SLC49A4: variants seen among roughly 807,000 people sequenced by gnomAD.
SLC49A4 encodes the protein disrupted in renal cancer protein 2.
In SLC49A4, 36 loss-of-function variants were observed where a neutral mutation model predicts 50.6. The observed-to-expected ratio is 0.71, with a 90% CI of 0.55 to 0.94. SLC49A4 has a LOEUF of 0.94. SLC49A4 is among the 40% of genes least tolerant of loss of function. SLC49A4 has a pLI of 0.00. For synonymous variants in SLC49A4, 248 were observed against 241.2 expected (o/e 1.03, Z -0.26); for missense variants, 503 against 605.7 (o/e 0.83, Z 1.78).
At chr3:122,819,087 A>C (rs1019651234) in intron 2 of SLC49A4, among the ~76,000 whole-genome samples, 1 of 151,944 alleles carries the variant, frequency 6.6e-6, no homozygotes, top group Non-Finnish European at 1.5e-5. Context: ...TGTCTCTACA[A>C]AAAATTTAAA....
chr3:122,833,310 C>G lies in SLC49A4; in HGVS notation c.704-7C>G. The G allele has an allele frequency of 1.9e-6, 3 of 1,606,152 alleles. No homozygotes were observed. Among genetic ancestry groups the G allele is most frequent in the Non-Finnish European group, 2.5e-6 (3 of 1,177,132 alleles). On this transcript the variant is annotated splice_region_variant and splice_polypyrimidine_tract_variant and intron_variant, in intron 3 of 8. Transcript: ENST00000261038. ...TGGTTAACATTTTACCTATTTTTTT[C>G]TTTCAGAATTTGGAGTTGTCTGCTT... is the stretch of plus-strand genomic sequence containing the variant.
At chr3:122,809,474 C>T (rs1936267705) in intron 2 of SLC49A4, among the ~76,000 whole-genome samples, 1 of 152,154 alleles carries the variant, frequency 6.6e-6, no homozygotes, top group African/African-American at 2.4e-5. Context: ...GTAATCCCAG[C>T]ACTTTGGGAG....
At chr3:122,824,082 G>A (rs1936490812) in intron 2 of SLC49A4, among the ~76,000 whole-genome samples, 1 of 152,208 alleles carries the variant, frequency 6.6e-6, no homozygotes, top group Admixed American at 6.5e-5. Context: ...CATGAATTCA[G>A]AGGATAACTA....
At chr3:122,817,278 T>C (rs1936382281) in intron 2 of SLC49A4, among the ~76,000 whole-genome samples, 1 of 152,132 alleles carries the variant, frequency 6.6e-6, no homozygotes, top group African/African-American at 2.4e-5. Context: ...AGTTGCTGCC[T>C]TTGAAAACAG....
intron 5 of SLC49A4, among the ~76,000 whole-genome samples, chr3:122,847,762 A>G (rs995459771): frequency 1.3e-5 from 2 of 152,180 alleles, no homozygotes; most frequent in Non-Finnish European, 2.9e-5. Context: ...AAAATTAAAA[A>G]AGCAATCATT....
intron 1 of SLC49A4, among the ~76,000 whole-genome samples, chr3:122,801,595 A>G (rs1206911078): frequency 6.6e-6 from 1 of 151,994 alleles, no homozygotes; most frequent in Admixed American, 6.5e-5. Flanking sequence ...CATCTCAAAA[A>G]CAAAAAAAGA....
chr3:122,830,048 T>C (rs1936587838), intron 3 of SLC49A4, among the ~76,000 whole-genome samples: 1 of 152,186 alleles, frequency 6.6e-6, no homozygotes, highest in Non-Finnish European at 1.5e-5. Context: ...ATATTGGCAA[T>C]GAACAATCTT....
chr3:122,870,110 G>A (rs1937178705), intron 7 of SLC49A4, among the ~76,000 whole-genome samples: 2 of 152,076 alleles, frequency 1.3e-5, no homozygotes, highest in African/African-American at 4.8e-5. Context: ...ATTGTGTGGA[G>A]TACATTTCCT....
Position 122,795,430 on chromosome 3 carries a change from C to G in SLC49A4, c.238C>G (p.Arg80Gly). 6.2e-7 allele frequency: 1 copy of G among 1,608,024 alleles called. No homozygotes were observed. The highest frequency in any genetic ancestry group is 8.5e-7 in the Non-Finnish European group (1 of 1,178,992). Residue 80 changes from arginine (R) to glycine (G), a missense_variant, in exon 1 of 9, where the codon CGC becomes GGC. Physicochemically the swap from Arg to Gly is moderately radical, Grantham distance 125. Coordinates refer to ENST00000261038, the MANE Select transcript of SLC49A4 (RefSeq NM_032839.3). ...NTWGPIQNSA[R>G]QAYGFSSWDI... is the part of the protein sequence containing the mutation. ...CTGGGGTCCCATCCAGAACTCGGCGCGCCAGGCCTACGGCTTCTCCAGCTG... is the reference window on the plus strand; with the variant it reads ...CTGGGGTCCCATCCAGAACTCGGCGGGCCAGGCCTACGGCTTCTCCAGCTG...
In SLC49A4 at chr3:122,856,347, G is replaced by A. The variant is rs1179733161; in HGVS notation, c.983G>A (p.Gly328Asp). 6.2e-7 allele frequency: 1 copy of A among 1,613,944 alleles called. No individual in the cohort carries two copies. Among genetic ancestry groups the A allele is most frequent in the Non-Finnish European group, 8.5e-7 (1 of 1,179,972 alleles). Residue 328 changes from glycine to aspartate, a missense_variant, in exon 6 of 9, where the codon GGC becomes GAC. Transcript: ENST00000261038. ...ATTGGATTTTGGTCCATAGTTGGAGGCTGTGTTGTTGGAATAGCTATGGCA... is the reference window on the plus strand; with the variant it reads ...ATTGGATTTTGGTCCATAGTTGGAGACTGTGTTGTTGGAATAGCTATGGCA... ...GWIGFWSIVG[G>D]CVVGIAMARF...
At chr3:122,823,122 G>T (rs747839993) in intron 2 of SLC49A4, among the ~76,000 whole-genome samples, 4 of 152,172 alleles carry the variant, frequency 2.6e-5, no homozygotes, top group Non-Finnish European at 4.4e-5. Context: ...TGCACACCCT[G>T]CCCTCTACCC....
intron 4 of SLC49A4, among the ~76,000 whole-genome samples, chr3:122,836,577 C>A (rs1418435272): frequency 6.6e-6 from 1 of 152,050 alleles, no homozygotes; most frequent in Non-Finnish European, 1.5e-5. Context: ...ATGGTACCAG[C>A]TCCTCTTTGA....
chr3:122,852,076 CTGCCT>C (rs1385380247), intron 5 of SLC49A4, among the ~76,000 whole-genome samples: 1 of 150,342 alleles, frequency 6.7e-6, no homozygotes, highest in Non-Finnish European at 1.5e-5. Flanking sequence ...ACTGCAACCT[CTGCCT>C]TCTGGGTTCA....
chr3:122,803,702 A>G (rs1276931831), intron 1 of SLC49A4, among the ~76,000 whole-genome samples: 2 of 152,058 alleles, frequency 1.3e-5, no homozygotes, highest in Non-Finnish European at 2.9e-5. Context: ...TGCTTCCACT[A>G]TGGGTGTGTG....
intron 3 of SLC49A4, among the ~76,000 whole-genome samples, chr3:122,828,483 C>G (rs1310968317): frequency 1.3e-5 from 2 of 152,132 alleles, no homozygotes; most frequent in Non-Finnish European, 2.9e-5. Flanking sequence ...AAGGGAGACA[C>G]CCTGGTACGT....
Position 122,843,817 on chromosome 3 carries a change from C to T in SLC49A4, c.834-1946C>T, listed in dbSNP as rs117925080. Among the ~76,000 whole-genome samples, 463 of 152,300 alleles carry T rather than the reference C, an allele frequency of 3.0e-3. 2 individuals are homozygous for T. Among genetic ancestry groups the T allele is most frequent in the Middle Eastern group, 0.02 (6 of 294 alleles). Reference sequence around the variant, plus strand: ...TTGTTTTTGTTTTACAAGACCGCTTCGTAAGTGATGCTGCTTCCTTTCATC... The same window carrying T: ...TTGTTTTTGTTTTACAAGACCGCTTTGTAAGTGATGCTGCTTCCTTTCATC... On this transcript the variant is annotated intron_variant, in intron 4 of 8. Coordinates refer to ENST00000261038, the MANE Select transcript of SLC49A4 (RefSeq NM_032839.3).
Position 122,879,475 on chromosome 3 carries a change from A to G in SLC49A4, c.*97A>G. 1 of 893,576 alleles carries G rather than the reference A, an allele frequency of 1.1e-6. No individual in the cohort carries two copies. The highest frequency in any genetic ancestry group is 2.6e-5 in the East Asian group (1 of 38,656). The allele number at this position is 893,576 out of a possible 1,614,324, so 55.4% of individuals were successfully genotyped here. A position where few individuals can be genotyped will look rare whatever the true frequency, so the allele number is the denominator to read the frequency against. Reference sequence around the variant, plus strand: ...GCACATCTAACAGGAAAAGAGGGAGAAGAAAGAAACTTCATTCAGAGGTTT... The same window carrying G: ...GCACATCTAACAGGAAAAGAGGGAGGAGAAAGAAACTTCATTCAGAGGTTT... On this transcript the variant is annotated 3_prime_UTR_variant, in exon 9 of 9. Transcript: ENST00000261038.
At chr3:122,869,715 C>T (rs758566763) in intron 7 of SLC49A4, among the ~76,000 whole-genome samples, 6 of 152,134 alleles carry the variant, frequency 3.9e-5, no homozygotes, top group East Asian at 1.9e-4. Flanking sequence ...ATCTTTCCAA[C>T]GACAGTTAAT....
chr3:122,877,540 G>A (rs1042426427), intron 8 of SLC49A4, among the ~76,000 whole-genome samples: 5 of 152,130 alleles, frequency 3.3e-5, no homozygotes, highest in Non-Finnish European at 7.4e-5. Context: ...AAGGACAGGC[G>A]GATTGTTGCT....
Sources: allele counts gnomAD v4.1 joint callset (sites outside exome capture counted in the v4.1 genomes callset), GRCh38; gene constraint gnomAD v4.1.1; transcripts MANE v1.5; gene names NCBI Gene and HGNC (gene_info 2026-07-23, HGNC 2026-07-21).